Variants in DGLUCY observed in about 807,000 individuals in gnomAD.
The protein encoded by DGLUCY is D-glutamate cyclase, mitochondrial.
A neutral mutation model predicts 58.5 loss-of-function variants in DGLUCY; 58 were observed. The ratio of observed to expected loss-of-function variants is 0.99; its 90% confidence interval spans 0.80 to 1.23. The LOEUF is 1.23. Among genes scored for constraint, DGLUCY ranks in the 50% most tolerant of loss-of-function variants. DGLUCY has a pLI of 0.00. For missense variants in DGLUCY, 779 were observed against 784.7 expected, an observed-to-expected ratio of 0.99 and a Z score of 0.09; for synonymous variants, 325 against 314.1, an observed-to-expected ratio of 1.03 and a Z score of -0.37.
At chr14:91,173,607 GCAGACAGGAGTTTGCCA>G in intron 6 of DGLUCY, 168 bp downstream of exon 6, 1 of 956,764 alleles carries the variant, frequency 1.0e-6, no homozygotes, top group Admixed American at 3.4e-5. Context: ...GGCCTAAGAA[GCAGACAGGAGTTTGCCA>G]CGTTCCTAAG....
At chr14:91,083,125 A>C (rs1480053952) in intron 1 of DGLUCY, among the ~76,000 whole-genome samples, 1 of 152,226 alleles carries the variant, frequency 6.6e-6, no homozygotes, top group African/African-American at 2.4e-5. Flanking sequence ...CTATGCCTAC[A>C]TGTTGGGAAT....
At chr14:91,100,839 G>A (rs2044473558) in intron 1 of DGLUCY, among the ~76,000 whole-genome samples, 1 of 152,182 alleles carries the variant, frequency 6.6e-6, no homozygotes, top group African/African-American at 2.4e-5. Context: ...GGGAAGCCGA[G>A]GCAGGTGGAT....
At chr14:91,103,107 T>C (rs1021675095), upstream of DGLUCY, among the ~76,000 whole-genome samples, 5 of 152,094 alleles carry the variant, frequency 3.3e-5, no homozygotes, top group African/African-American at 1.2e-4. Flanking sequence ...CCCCCATGTT[T>C]CTCTCAGGCC....
intron 5 of DGLUCY, among the ~76,000 whole-genome samples, chr14:91,172,305 C>T (rs114759883): frequency 6.6e-6 from 1 of 152,162 alleles, no homozygotes; most frequent in Admixed American, 6.5e-5. Flanking sequence ...TCTTGAACTT[C>T]TGGGCTCAAG....
intron 1 of DGLUCY, among the ~76,000 whole-genome samples, chr14:91,146,154 G>A (rs2047001477): frequency 6.6e-6 from 1 of 152,154 alleles, no homozygotes; most frequent in Non-Finnish European, 1.5e-5. Context: ...ATTAAGGCGT[G>A]TACCACCATG....
At chr14:91,202,480 T>C (rs1351987603) in intron 11 of DGLUCY, among the ~76,000 whole-genome samples, 1 of 152,190 alleles carries the variant, frequency 6.6e-6, no homozygotes, top group Admixed American at 6.5e-5. Flanking sequence ...CTGCGCTGAT[T>C]AGAACGTTTC....
chr14:91,157,123 A>ATGGG (rs2047676333), intron 1 of DGLUCY, among the ~76,000 whole-genome samples: 1 of 117,876 alleles, frequency 8.5e-6, no homozygotes, highest in African/African-American at 3.1e-5. Flanking sequence ...GGATGGGTGG[A>ATGGG]TGGATGGATG....
rs35511234 is a variant in DGLUCY at position 91,215,490 on chromosome 14, A to G, written c.1650A>G (p.Lys550=). 2.4e-3 allele frequency: 3,853 copies of G among 1,614,234 alleles called. 91 individuals carry two copies. In the African/African-American group the frequency reaches 0.047, roughly 20 times the overall value. Reference sequence around the variant, plus strand: ...CTGTCCACAGTCAGTACCTGAGGAAAGCAGTCGGACCCTCCAGGGCACCTG... The same window carrying G: ...CTGTCCACAGTCAGTACCTGAGGAAGGCAGTCGGACCCTCCAGGGCACCTG... ...SCAVHSQYLR[K]AVGPSRAPGD... is the part of the protein sequence containing the mutation. The change falls in exon 13 of 14, where the codon AAA becomes AAG. Residue 550 remains lysine (K), a synonymous_variant. Transcript: ENST00000256324.
chr14:91,109,856 C>G (rs779150242), upstream of DGLUCY, among the ~76,000 whole-genome samples: 31 of 152,178 alleles, frequency 2.0e-4, no homozygotes, highest in Non-Finnish European at 4.3e-4. Context: ...CATAATATTC[C>G]CCATTGTCAG....
At chr14:91,146,325 T>A (rs980289321) in intron 1 of DGLUCY, among the ~76,000 whole-genome samples, 4 of 152,254 alleles carry the variant, frequency 2.6e-5, no homozygotes, top group Non-Finnish European at 5.9e-5. Flanking sequence ...ATTGTTGAGT[T>A]AAAGAAAACC....
At chr14:91,082,548 A>G (rs752628040) in intron 1 of DGLUCY, among the ~76,000 whole-genome samples, 4 of 152,186 alleles carry the variant, frequency 2.6e-5, no homozygotes, top group Non-Finnish European at 5.9e-5. Flanking sequence ...ATAATTGGAC[A>G]TTTCCCAATC....
In DGLUCY at chr14:91,222,303, G is replaced by A. The variant is rs2750089; in HGVS notation, c.1717-2381G>A. Reference sequence around the variant, plus strand: ...AGCTCGAAACCTGTTGGCTGATTGCGTGCACCCTGAGGACCCCACAGCCCT... The same window carrying A: ...AGCTCGAAACCTGTTGGCTGATTGCATGCACCCTGAGGACCCCACAGCCCT... On this transcript the variant is annotated intron_variant, in intron 13 of 13. Coordinates refer to ENST00000256324, the MANE Select transcript of DGLUCY (RefSeq NM_001102368.3). Among the ~76,000 whole-genome samples, 699 of 152,286 alleles carry A rather than the reference G, an allele frequency of 4.6e-3. 4 individuals are homozygous for A. The highest frequency in any genetic ancestry group is 0.024 in the Middle Eastern group (7 of 294).
intron 13 of DGLUCY, among the ~76,000 whole-genome samples, chr14:91,224,146 C>T (rs1000752088): frequency 6.6e-6 from 1 of 152,170 alleles, no homozygotes; most frequent in Non-Finnish European, 1.5e-5. Flanking sequence ...AGACTATTGG[C>T]AGATAATCCA....
Position 91,063,294 on chromosome 14 carries a change from C to CAT in DGLUCY, c.-82+2593_-82+2594dup, listed in dbSNP as rs567468964. ...ACCTCCTTTGCAGTTAGGTTAGGGTCATATGACTATGATCTGGCCAATGGG... is the reference window on the plus strand; with the variant it reads ...ACCTCCTTTGCAGTTAGGTTAGGGTCATATATGACTATGATCTGGCCAATGGG... On this transcript the variant is annotated intron_variant, in intron 1 of 4. Transcript: ENST00000521334. Among the ~76,000 whole-genome samples, 578 of 150,144 alleles carry CAT rather than the reference C, an allele frequency of 3.8e-3. 7 individuals are homozygous for CAT. The highest frequency in any genetic ancestry group is 0.013 in the African/African-American group (531 of 40,716).
At chr14:91,212,458 G>A (rs1261382309) in intron 12 of DGLUCY, among the ~76,000 whole-genome samples, 1 of 152,204 alleles carries the variant, frequency 6.6e-6, no homozygotes, top group Non-Finnish European at 1.5e-5. Flanking sequence ...AAGGACTCCA[G>A]GAGCTACTCT....
At chr14:91,108,229 G>T (rs1595653711) in intron 1 of DGLUCY, among the ~76,000 whole-genome samples, 1 of 152,098 alleles carries the variant, frequency 6.6e-6, no homozygotes, top group Admixed American at 6.6e-5. Flanking sequence ...GCGTACAAGT[G>T]TAGGGTCAGT....
upstream of DGLUCY, among the ~76,000 whole-genome samples, chr14:91,107,693 C>G (rs2044615616): frequency 6.6e-6 from 1 of 152,026 alleles, no homozygotes; most frequent in African/African-American, 2.4e-5. Context: ...TGAAGACCTG[C>G]TCTTGTGAAG....
At chr14:91,094,900 GT>G (rs1196449973) in intron 1 of DGLUCY, among the ~76,000 whole-genome samples, 2 of 151,938 alleles carry the variant, frequency 1.3e-5, no homozygotes, top group Admixed American at 6.6e-5. Context: ...TCATCAGCCT[GT>G]GGACATCTAT....
intron 8 of DGLUCY, among the ~76,000 whole-genome samples, chr14:91,187,565 G>C (rs143332269): frequency 6.6e-6 from 1 of 152,338 alleles, no homozygotes; most frequent in African/African-American, 2.4e-5. Context: ...CCTCTGGGCT[G>C]CCTGGGTTCA....
Sources: gnomAD v4.1 joint callset for allele counts (sites outside exome capture counted in the v4.1 genomes callset) on GRCh38, gnomAD v4.1.1 for gene constraint, MANE v1.5 for transcripts, NCBI Gene and HGNC (gene_info 2026-07-23, HGNC 2026-07-21) for gene names.